The following CDH4 variants were observed in gnomAD, a reference collection of about 807,000 sequenced individuals.
The protein encoded by CDH4 is cadherin 4.
In CDH4, 33 loss-of-function variants were observed where a neutral mutation model predicts 86.0. The ratio of observed to expected loss-of-function variants is 0.38; its 90% confidence interval spans 0.29 to 0.51. The LOEUF is 0.51. Among genes scored for constraint, CDH4 ranks in the 20% least tolerant of loss-of-function variants. The pLI is 0.86. For missense variants in CDH4, 1,114 were observed against 1,307.4 expected, an observed-to-expected ratio of 0.85 and a Z score of 2.28; for synonymous variants, 555 against 549.4, an observed-to-expected ratio of 1.01 and a Z score of -0.14.
chr20:61,704,936 T>C (rs763264235), intron 2 of CDH4, among the ~76,000 whole-genome samples: 1 of 152,168 alleles, frequency 6.6e-6, no homozygotes, highest in Non-Finnish European at 1.5e-5. Flanking sequence ...ATATAGAGTA[T>C]GGGCTGTCAT....
chr20:61,497,022 T>C (rs1388675472), intron 2 of CDH4, among the ~76,000 whole-genome samples: 2 of 151,484 alleles, frequency 1.3e-5, no homozygotes, highest in Non-Finnish European at 2.9e-5. Flanking sequence ...GTCTCTCTTA[T>C]CCAATGTTAA....
intron 9 of CDH4, among the ~76,000 whole-genome samples, chr20:61,912,834 C>T (rs1050071680): frequency 6.6e-6 from 1 of 152,194 alleles, no homozygotes; most frequent in East Asian, 1.9e-4. Flanking sequence ...ATGTGGCAAA[C>T]CCTTTCTCCT....
chr20:61,914,133 C>A (rs111624404), intron 9 of CDH4, among the ~76,000 whole-genome samples: 3,169 of 152,304 alleles, frequency 0.021, 105 homozygotes, highest in African/African-American at 0.072. Flanking sequence ...GGCACTGAGG[C>A]CATTGAGGGG....
At chr20:61,916,128 C>T (rs1244272897) in intron 9 of CDH4, among the ~76,000 whole-genome samples, 1 of 140,970 alleles carries the variant, frequency 7.1e-6, no homozygotes, top group Non-Finnish European at 1.5e-5. Flanking sequence ...GTTTTGCATT[C>T]TTTGGTAGAG....
intron 2 of CDH4, among the ~76,000 whole-genome samples, chr20:61,550,186 CTGCTT>C (rs2086118398): frequency 6.8e-6 from 1 of 146,438 alleles, no homozygotes; most frequent in South Asian, 2.2e-4. Flanking sequence ...CCTCCCTAGC[CTGCTT>C]CCCTGGCCTC....
chr20:61,409,569 G>A (rs1193689801), intron 2 of CDH4, among the ~76,000 whole-genome samples: 2 of 152,320 alleles, frequency 1.3e-5, no homozygotes, highest in South Asian at 2.1e-4. Flanking sequence ...GAGAGGTATC[G>A]CACTGTGTGC....
chr20:61,895,047 G>A lies in CDH4; in HGVS notation c.1188G>A (p.Thr396=), dbSNP rs143299049. Residue 396 remains threonine, a splice_region_variant and synonymous_variant, in exon 8 of 16, where the codon ACG becomes ACA. Transcript: ENST00000614565. ...NDNPPEFTAS[T]FAGEVPENRV... Reference sequence around the variant, plus strand: ...ACCCGCCAGAATTTACCGCCAGCACGGTGAGTCCCTCGAAGCTGCCCAGTG... The same window carrying A: ...ACCCGCCAGAATTTACCGCCAGCACAGTGAGTCCCTCGAAGCTGCCCAGTG... 2.9e-4 allele frequency: 471 copies of A among 1,613,554 alleles called. 1 individual carries two copies. The highest frequency in any genetic ancestry group is 5.2e-4 in the African/African-American group (39 of 75,074).
At chr20:61,864,336 G>A (rs895281094) in intron 6 of CDH4, among the ~76,000 whole-genome samples, 9 of 152,224 alleles carry the variant, frequency 5.9e-5, no homozygotes, top group Non-Finnish European at 5.9e-5. Context: ...CAGCCCAGGA[G>A]ACCAGTGCAG....
intron 2 of CDH4, among the ~76,000 whole-genome samples, chr20:61,597,769 C>G (rs1444422059): frequency 6.6e-6 from 1 of 152,070 alleles, no homozygotes; most frequent in Non-Finnish European, 1.5e-5. Context: ...CCACATCAAC[C>G]TGAGGTCAAA....
chr20:61,336,213 AT>A (rs2084616163), intron 2 of CDH4, among the ~76,000 whole-genome samples: 1 of 152,310 alleles, frequency 6.6e-6, no homozygotes, highest in East Asian at 1.9e-4. Flanking sequence ...CTATGAGACC[AT>A]GGGTGAATCA....
chr20:61,640,707 T>C (rs2086997485), intron 2 of CDH4, among the ~76,000 whole-genome samples: 1 of 152,230 alleles, frequency 6.6e-6, no homozygotes, highest in South Asian at 2.1e-4. Flanking sequence ...TAGAGCAGCC[T>C]TGAATCCATA....
At position 61,807,338 on chromosome 20, in the gene CDH4, A is replaced by T. The variant is rs1980191502; in HGVS notation, c.576+34156A>T. Among the ~76,000 whole-genome samples the T allele has an allele frequency of 6.6e-6, 1 of 152,210 alleles. No individual in the cohort carries two copies. Among genetic ancestry groups the T allele is most frequent in the South Asian group, 2.1e-4 (1 of 4,834 alleles). ...GCTGTGGCCCCGCTGGGGTCTTTGGATCTCAGGAGAGTGGGCGGTGGGAGA... is the reference window on the plus strand; with the variant it reads ...GCTGTGGCCCCGCTGGGGTCTTTGGTTCTCAGGAGAGTGGGCGGTGGGAGA... On this transcript the variant is annotated intron_variant, in intron 4 of 15. Transcript: ENST00000614565. This position sits in a 1 kb window ranked among gnomAD's most constrained non-coding sequence, Gnocchi z 4.5.
chr20:61,366,031 G>C (rs533180352), intron 2 of CDH4, among the ~76,000 whole-genome samples: 5 of 152,176 alleles, frequency 3.3e-5, no homozygotes, highest in African/African-American at 9.7e-5. Context: ...CCAAGTTTTG[G>C]GGATGTGATA....
chr20:61,289,506 A>G (rs1012420549), intron 2 of CDH4, among the ~76,000 whole-genome samples: 77 of 152,186 alleles, frequency 5.1e-4, no homozygotes, highest in Non-Finnish European at 8.8e-5. Flanking sequence ...TGGGAGAGAA[A>G]CAATCTCTGT....
intron 2 of CDH4, among the ~76,000 whole-genome samples, chr20:61,433,415 C>T (rs1034921839): frequency 6.6e-6 from 1 of 152,032 alleles, no homozygotes; most frequent in African/African-American, 2.4e-5. Flanking sequence ...AATCTGGTAG[C>T]GTCAGCCATT....
chr20:61,769,208 G>T (rs1321770243), intron 3 of CDH4, among the ~76,000 whole-genome samples: 2 of 152,234 alleles, frequency 1.3e-5, no homozygotes, highest in African/African-American at 2.4e-5. Context: ...TGTGGGCTGG[G>T]AGACGCCCTG....
At chr20:61,753,098 A>G (rs1163449883) in intron 3 of CDH4, among the ~76,000 whole-genome samples, 1 of 152,170 alleles carries the variant, frequency 6.6e-6, no homozygotes, top group Non-Finnish European at 1.5e-5. Flanking sequence ...GGTAAGCAAG[A>G]GTTCTGCTGG....
chr20:61,478,563 G>A (rs943639511), intron 2 of CDH4, among the ~76,000 whole-genome samples: 2 of 152,206 alleles, frequency 1.3e-5, no homozygotes, highest in Non-Finnish European at 2.9e-5. Flanking sequence ...TGCCCTCCAT[G>A]TGTAGATTAA....
intron 2 of CDH4, among the ~76,000 whole-genome samples, chr20:61,650,175 T>C (rs1459286662): frequency 6.6e-6 from 1 of 152,234 alleles, no homozygotes; most frequent in Non-Finnish European, 1.5e-5. Flanking sequence ...GTGACTGCTT[T>C]GCTCCAAATC....
Sources: allele counts gnomAD v4.1 joint callset (sites outside exome capture counted in the v4.1 genomes callset), GRCh38; gene constraint gnomAD v4.1.1; non-coding constraint Gnocchi (gnomAD v3.1); transcripts MANE v1.5; gene names NCBI Gene and HGNC (gene_info 2026-07-23, HGNC 2026-07-21).